SH3TC2: variants seen among roughly 807,000 people sequenced by gnomAD.
SH3TC2 encodes the protein SH3 domain and tetratricopeptide repeat-containing protein 2.
Under a neutral mutation model 124.5 loss-of-function variants are expected in SH3TC2, and 87 were observed. That is an observed-to-expected ratio of 0.70 (90% CI 0.59 to 0.84). The LOEUF (loss-of-function observed/expected upper bound fraction) is 0.84. SH3TC2 is among the 40% of genes least tolerant of loss of function. The pLI is 0.00. For synonymous variants in SH3TC2, 634 were observed against 628.5 expected (o/e 1.01, Z -0.13); for missense variants, 1,536 against 1,566.4 (o/e 0.98, Z 0.33).
chr5:149,016,816 T>C (rs1443956155), intron 12 of SH3TC2, among the ~76,000 whole-genome samples: 5 of 151,544 alleles, frequency 3.3e-5, no homozygotes, highest in African/African-American at 1.2e-4. Context: ...TCCCAGCTAC[T>C]TGGGAGGCTG....
rs1753441502 is a variant in SH3TC2, at chr5:148,992,723, G to A, written c.*11988C>T. Among the ~76,000 whole-genome samples, 1 of 149,600 alleles carries A rather than the reference G, an allele frequency of 6.7e-6. No individual in the cohort carries two copies. ...ATGGACTTGTCCCAGTATACACAAG[G>A]AGTGACAGAACTAGGTTCAGACCCC... is the stretch of plus-strand genomic sequence containing the variant. On this transcript the variant is annotated 3_prime_UTR_variant, in exon 17 of 17. Transcript: ENST00000515425.
rs370613184 is a variant in SH3TC2, at chr5:149,028,407, G to A, written c.1325C>T (p.Pro442Leu). 1.4e-5 allele frequency: 22 copies of A among 1,613,882 alleles called. No homozygotes were observed. The highest frequency in any genetic ancestry group is 7.7e-5 in the South Asian group (7 of 91,072). ...LSATSDSYRL[P>L]EPDDLDDPEL... is the part of the protein sequence containing the mutation. Reference sequence around the variant, plus strand: ...CGGGTCATCAAGGTCATCAGGCTCCGGCAGGCGATAGCTGTCTGAGGTGGC... The same window carrying A: ...CGGGTCATCAAGGTCATCAGGCTCCAGCAGGCGATAGCTGTCTGAGGTGGC... Residue 442 changes from proline to leucine, a missense_variant, in exon 11 of 17, where the codon CCG becomes CTG. By Grantham distance (98) the Pro-to-Leu change is moderately conservative. Coordinates refer to ENST00000515425, the MANE Select transcript of SH3TC2 (RefSeq NM_024577.4).
chr5:149,029,386 T>C (rs1182858202), intron 9 of SH3TC2, among the ~76,000 whole-genome samples: 1 of 151,722 alleles, frequency 6.6e-6, no homozygotes, highest in Non-Finnish European at 1.5e-5. Flanking sequence ...ACCTTTGGGG[T>C]TTGAGGTAGC....
intron 12 of SH3TC2, among the ~76,000 whole-genome samples, chr5:149,022,577 A>C (rs1469988915): frequency 6.6e-6 from 1 of 152,208 alleles, no homozygotes; most frequent in Non-Finnish European, 1.5e-5. Context: ...TTCACACAAA[A>C]ATTTGTTCAT....
chr5:149,026,727 G>C lies in SH3TC2; in HGVS notation c.2898C>G (p.Leu966=), dbSNP rs1361509427. Residue 966 remains leucine, a synonymous_variant, in exon 12 of 17, where the codon CTC becomes CTG. Transcript: ENST00000515425. The part of the protein sequence containing the change: ...LKSQLQATKS[L]CHFYSSVSPN... ...GGGACACAGAGCTGTAGAAATGGCA[G>C]AGGGATTTGGTGGCCTGAAGCTGAC... The C allele has an allele frequency of 1.9e-6, 3 of 1,614,110 alleles. No individual in the cohort carries two copies. The Admixed American group carries it at 5.0e-5, about 27-fold the overall frequency.
chr5:149,024,625 A>G (rs1045344559), intron 12 of SH3TC2, among the ~76,000 whole-genome samples: 1 of 152,186 alleles, frequency 6.6e-6, no homozygotes, highest in African/African-American at 2.4e-5. Context: ...TGACTTATTT[A>G]AGGACACATT....
chr5:149,004,744 C>T lies in SH3TC2; in HGVS notation c.3834G>A (p.Ala1278=), dbSNP rs117804174. 1,662 of 1,613,796 alleles carry T rather than the reference C, an allele frequency of 1.0e-3. 29 individuals carry two copies. In the East Asian group the frequency reaches 0.021, roughly 21 times the overall value. Reference sequence around the variant, plus strand: ...CCAGGCCACCACCACTCAGCCACCGCGCCCTCTCTGAGGAGCACCCGGAGG... The same window carrying T: ...CCAGGCCACCACCACTCAGCCACCGTGCCCTCTCTGAGGAGCACCCGGAGG... ...SRPSGCSSER[A]RWLSGGGLAL is the part of the protein sequence containing the mutation. The change falls in exon 17 of 17, where the codon GCG becomes GCA. Residue 1278 remains alanine (A), a synonymous_variant. Coordinates refer to ENST00000515425, the MANE Select transcript of SH3TC2 (RefSeq NM_024577.4).
intron 9 of SH3TC2, among the ~76,000 whole-genome samples, chr5:149,030,325 C>A (rs936898080): frequency 2.0e-5 from 3 of 152,246 alleles, no homozygotes; most frequent in Admixed American, 2.0e-4. Flanking sequence ...CTGGGGCAGC[C>A]TGCACAACCA....
chr5:149,012,406 G>T (rs1561758794), intron 13 of SH3TC2, among the ~76,000 whole-genome samples, 178 bp downstream of exon 13: 1 of 152,116 alleles, frequency 6.6e-6, no homozygotes, highest in South Asian at 2.1e-4. Flanking sequence ...TATTCAGCTT[G>T]TCAGACCACC....
intron 3 of SH3TC2, chr5:149,047,400 C>A: frequency 5.7e-6 from 1 of 174,934 alleles, no homozygotes; most frequent in South Asian, 1.3e-4. Flanking sequence ...TGAAAAAGTT[C>A]TGGAGGTGGA....
intron 12 of SH3TC2, among the ~76,000 whole-genome samples, chr5:149,021,704 G>T (rs544936097): frequency 2.2e-4 from 33 of 151,906 alleles, no homozygotes; most frequent in African/African-American, 7.5e-4. Context: ...TACCAAAACT[G>T]CTCAAGAAGA....
In SH3TC2 at chr5:148,984,623, G is replaced by T. The variant is rs1753303987; in HGVS notation, c.*20088C>A. 2.0e-5 allele frequency among the ~76,000 whole-genome samples: 3 copies of T among 152,154 alleles called. No individual in the cohort carries two copies. Among genetic ancestry groups the T allele is most frequent in the Admixed American group, 2.0e-4 (3 of 15,262 alleles). On this transcript the variant is annotated 3_prime_UTR_variant, in exon 17 of 17. Coordinates refer to ENST00000515425, the MANE Select transcript of SH3TC2 (RefSeq NM_024577.4). ...AGGCAATGCTTCATATATCTCCAAG[G>T]TTGGTCTTTCAGGTTGGCATATAGG...
intron 1 of SH3TC2, among the ~76,000 whole-genome samples, chr5:149,056,781 A>C (rs1754655763): frequency 6.6e-6 from 1 of 152,240 alleles, no homozygotes; most frequent in Admixed American, 6.5e-5. Context: ...GACCGTTTAC[A>C]GCATTCTTTT....
rs922595949 is a variant in SH3TC2 at position 148,986,015 on chromosome 5, C to A, written c.*18696G>T. ...TCTCTAGGGTGATTTTTGAAAAACACATAAATGCAGAATCTTGGTGTTTAA... is the reference window on the plus strand; with the variant it reads ...TCTCTAGGGTGATTTTTGAAAAACAAATAAATGCAGAATCTTGGTGTTTAA... On this transcript the variant is annotated 3_prime_UTR_variant, in exon 17 of 17. Coordinates refer to ENST00000515425, the MANE Select transcript of SH3TC2 (RefSeq NM_024577.4). 1.3e-5 allele frequency among the ~76,000 whole-genome samples: 2 copies of A among 152,088 alleles called. No homozygotes were observed. The highest frequency in any genetic ancestry group is 4.8e-5 in the African/African-American group (2 of 41,414).
At chr5:149,058,293 A>T (rs989431160) in intron 1 of SH3TC2, among the ~76,000 whole-genome samples, 1 of 152,190 alleles carries the variant, frequency 6.6e-6, no homozygotes, top group Admixed American at 6.5e-5. Flanking sequence ...AGGCTGTAAC[A>T]TTTTGTATTC....
chr5:149,032,273 T>A (rs763438527), intron 8 of SH3TC2, among the ~76,000 whole-genome samples: 1 of 152,022 alleles, frequency 6.6e-6, no homozygotes, highest in African/African-American at 2.4e-5. Context: ...GGGAAAGAAG[T>A]GGGTAAAAGG....
intron 12 of SH3TC2, among the ~76,000 whole-genome samples, chr5:149,016,142 A>C (rs1753869495): frequency 3.3e-5 from 5 of 152,188 alleles, no homozygotes; most frequent in Admixed American, 3.3e-4. Context: ...AATCTCATGT[A>C]ATCATCACAA....
At position 149,056,227 on chromosome 5, in the gene SH3TC2, C is replaced by A. The variant is rs111892308; in HGVS notation, c.53-3987G>T. Among the ~76,000 whole-genome samples, 1,506 of 152,090 alleles carry A rather than the reference C, an allele frequency of 9.9e-3. 24 individuals carry two copies. Among genetic ancestry groups the A allele is most frequent in the African/African-American group, 0.034 (1,425 of 41,474 alleles). ...CATCAGCCAGGTATGAAGCTCAGTA[C>A]CCAATAGTGATCTTTTCTGCTTCTC... On this transcript the variant is annotated intron_variant, in intron 1 of 16. Transcript: ENST00000515425.
At chr5:149,011,351 G>C (rs989449507) in intron 13 of SH3TC2, among the ~76,000 whole-genome samples, 1 of 152,222 alleles carries the variant, frequency 6.6e-6, no homozygotes, top group African/African-American at 2.4e-5. Context: ...CCAAAACAAT[G>C]CACAATCGGA....
Sources: gnomAD v4.1 joint callset for allele counts (sites outside exome capture counted in the v4.1 genomes callset) on GRCh38, gnomAD v4.1.1 for gene constraint, MANE v1.5 for transcripts, NCBI Gene and HGNC (gene_info 2026-07-23, HGNC 2026-07-21) for gene names.